The following ASB5 variants were observed in gnomAD, a reference collection of about 807,000 sequenced individuals.
ASB5 encodes the protein ankyrin repeat and SOCS box containing 5.
A neutral mutation model predicts 42.1 loss-of-function variants in ASB5; 45 were observed. The ratio of observed to expected loss-of-function variants is 1.07; its 90% CI spans 0.84 to 1.37. ASB5 has a LOEUF of 1.37. Among genes scored for constraint, ASB5 ranks in the 40% most tolerant of loss-of-function variants. The pLI is 0.00. For missense variants in ASB5, 402 were observed against 399.8 expected (o/e 1.01, Z -0.05); for synonymous variants, 147 against 150.6 (o/e 0.98, Z 0.18).
chr4:176,247,202 T>A (rs996132971), intron 1 of ASB5, among the ~76,000 whole-genome samples: 1 of 152,112 alleles, frequency 6.6e-6, no homozygotes, highest in African/African-American at 2.4e-5. Context: ...AAAACCTATA[T>A]AAATGAGAAA....
chr4:176,224,431 C>T (rs896936131), intron 2 of ASB5, among the ~76,000 whole-genome samples: 5 of 151,930 alleles, frequency 3.3e-5, no homozygotes, highest in Admixed American at 3.3e-4. Context: ...GATGGGGTTT[C>T]ACCACGTTGG....
At chr4:176,221,421 C>T in intron 4 of ASB5, 29 bp downstream of exon 4, 1 of 1,607,158 alleles carries the variant, frequency 6.2e-7, no homozygotes, top group South Asian at 1.1e-5. Flanking sequence ...ACTTTCTTCC[C>T]TTGTCACTTA....
chr4:176,232,232 C>T (rs1753568065), intron 1 of ASB5, among the ~76,000 whole-genome samples: 1 of 151,680 alleles, frequency 6.6e-6, no homozygotes, highest in Admixed American at 6.6e-5. Flanking sequence ...CAGTGATTCC[C>T]CTGCCTCAGC....
At chr4:176,235,053 A>G (rs1422112241) in intron 1 of ASB5, among the ~76,000 whole-genome samples, 2 of 152,176 alleles carry the variant, frequency 1.3e-5, no homozygotes, top group Admixed American at 1.3e-4. Context: ...TTTAGGGTAC[A>G]ATATTCTTTT....
intron 2 of ASB5, among the ~76,000 whole-genome samples, chr4:176,223,103 A>C (rs1447457090): frequency 6.6e-6 from 1 of 152,158 alleles, no homozygotes; most frequent in Non-Finnish European, 1.5e-5. Flanking sequence ...AGGCTATAAA[A>C]TTATAGGTCA....
At chr4:176,221,123 G>C in intron 5 of ASB5, 32 bp downstream of exon 5, 2 of 1,589,566 alleles carry the variant, frequency 1.3e-6, no homozygotes, top group Non-Finnish European at 1.7e-6. Flanking sequence ...TGTGTGTATG[G>C]ACAGAATGGA....
intron 6 of ASB5, 58 bp downstream of exon 6, chr4:176,216,760 C>T (rs755717242): frequency 1.4e-5 from 19 of 1,389,870 alleles, no homozygotes; most frequent in Non-Finnish European, 1.7e-5. Flanking sequence ...CTCTCACTTT[C>T]ATCTATTTTA....
intron 1 of ASB5, among the ~76,000 whole-genome samples, chr4:176,261,483 C>A (rs947982162): frequency 6.6e-6 from 1 of 152,164 alleles, no homozygotes; most frequent in Non-Finnish European, 1.5e-5. Flanking sequence ...ACTCAACTTA[C>A]GTTTCTTCAT....
At chr4:176,229,218 T>C (rs1236795218) in intron 1 of ASB5, among the ~76,000 whole-genome samples, 2 of 152,170 alleles carry the variant, frequency 1.3e-5, no homozygotes, top group Non-Finnish European at 2.9e-5. Context: ...CGACCCATTA[T>C]CCCTGCCTAT....
chr4:176,229,884 C>A (rs1009224815), intron 1 of ASB5, among the ~76,000 whole-genome samples: 4 of 152,066 alleles, frequency 2.6e-5, no homozygotes, highest in African/African-American at 9.7e-5. Flanking sequence ...CTGCAAAGGG[C>A]CTTGCAATCT....
chr4:176,231,109 G>GA (rs1040749501), intron 1 of ASB5, among the ~76,000 whole-genome samples: 3 of 152,004 alleles, frequency 2.0e-5, no homozygotes, highest in Non-Finnish European at 4.4e-5. Flanking sequence ...CATTGCTAGA[G>GA]AAAAACACTC....
At position 176,216,862 on chromosome 4, in the gene ASB5, G is replaced by T. The variant is rs370747931; in HGVS notation, c.818C>A (p.Ala273Asp). 1.2e-6 allele frequency: 2 copies of T among 1,612,636 alleles called. No homozygotes were observed. The highest frequency in any genetic ancestry group is 2.7e-5 in the African/African-American group (2 of 74,808). The change falls in exon 6 of 7, where the codon GCT becomes GAT. Residue 273 changes from alanine to aspartate, a missense_variant. Ala to Asp is a moderately radical substitution (Grantham distance 126, BLOSUM62 -2). Transcript: ENST00000296525. ...NTELLRPIDV[A>D]TSSSMVERIL... ...CCTTTCCACCATACTGCTAGACGTA[G>T]CTACATCTATAGGTCGCAGAAGCTC...
intron 1 of ASB5, among the ~76,000 whole-genome samples, chr4:176,234,026 T>C (rs1753619421): frequency 6.6e-6 from 1 of 152,166 alleles, no homozygotes; most frequent in African/African-American, 2.4e-5. Flanking sequence ...CATTTAAATG[T>C]ATCCAAACTT....
Position 176,221,218 on chromosome 4 carries a change from T to A in ASB5, c.607A>T (p.Thr203Ser). 1 of 1,613,536 alleles carries A rather than the reference T, an allele frequency of 6.2e-7. No homozygotes were observed. Among genetic ancestry groups the A allele is most frequent in the South Asian group, 1.1e-5 (1 of 91,046 alleles). The part of the protein sequence containing the change: ...DVDQEIPHLG[T>S]PLYVACMSQQ... ...GACATACAAGCTACATAGAGAGGAG[T>A]TCCCAAATGAGGAATTTCTTGGTCA... is the stretch of plus-strand genomic sequence containing the variant. Residue 203 changes from threonine (T) to serine (S), a missense_variant, in exon 5 of 7, where the codon ACT becomes TCT. By Grantham distance (58) the Thr-to-Ser change is moderately conservative. Transcript: ENST00000296525.
At chr4:176,238,204 C>A (rs1404478310) in intron 1 of ASB5, among the ~76,000 whole-genome samples, 4 of 50,150 alleles carry the variant, frequency 8.0e-5, no homozygotes, top group African/African-American at 2.1e-4. Flanking sequence ...GAGACTCCGT[C>A]TCAAAAAAAA....
At chr4:176,271,850 A>G (rs145336327), upstream of ASB5, among the ~76,000 whole-genome samples, 122 of 152,308 alleles carry the variant, frequency 8.0e-4, no homozygotes, top group Middle Eastern at 3.4e-3. Context: ...TAACTAAAAT[A>G]CATGCTCAAG....
chr4:176,241,143 C>T (rs188662326), intron 1 of ASB5, among the ~76,000 whole-genome samples: 5 of 152,026 alleles, frequency 3.3e-5, no homozygotes, highest in East Asian at 1.9e-4. Context: ...TAATTATAAC[C>T]GCAATATCAT....
At chr4:176,225,233 T>C (rs768696392) in intron 2 of ASB5, 29 bp downstream of exon 2, 12 of 1,545,878 alleles carry the variant, frequency 7.8e-6, no homozygotes, top group Non-Finnish European at 6.3e-6. Context: ...GGAAAGGGGG[T>C]ATATTTTAAA....
chr4:176,249,546 T>G (rs532448956), intron 1 of ASB5: 3 of 152,220 alleles, frequency 2.0e-5, no homozygotes, highest in African/African-American at 7.2e-5. Context: ...AGAGCAGATC[T>G]GCTGAATGTC....
Sources: gnomAD v4.1 joint callset for allele counts (sites outside exome capture counted in the v4.1 genomes callset) on GRCh38, gnomAD v4.1.1 for gene constraint, MANE v1.5 for transcripts, NCBI Gene and HGNC (gene_info 2026-07-23, HGNC 2026-07-21) for gene names.